Variants in PTPN4 observed in about 807,000 individuals in gnomAD.
The protein encoded by PTPN4 is tyrosine-protein phosphatase non-receptor type 4.
In PTPN4, 49 loss-of-function variants were observed where a neutral mutation model predicts 135.5. That is an observed-to-expected ratio of 0.36 (90% CI 0.29 to 0.46). The LOEUF is 0.46. Among genes scored for constraint, PTPN4 ranks in the 20% least tolerant of loss-of-function variants. The pLI is 1.00. For synonymous variants in PTPN4, 333 were observed against 369.9 expected, an observed-to-expected ratio of 0.90 and a Z score of 1.14; for missense variants, 860 against 1,101.0, an observed-to-expected ratio of 0.78 and a Z score of 3.10.
At chr2:119,946,302 T>A (rs1255785299) in intron 16 of PTPN4, 39 bp from the exon 17 acceptor site, 13 of 1,443,322 alleles carry the variant, frequency 9.0e-6, no homozygotes, top group Non-Finnish European at 1.2e-5. Context: ...AGATTTTAAG[T>A]GAAGAAAATT....
chr2:119,801,900 GTTTT>G (rs768983862), intron 1 of PTPN4, among the ~76,000 whole-genome samples: 1 of 98,794 alleles, frequency 1.0e-5, no homozygotes, highest in Non-Finnish European at 2.0e-5. Context: ...CTTTCTTTCC[GTTTT>G]TTTTTTTTTT....
At chr2:119,905,373 TA>T (rs1678472185) in intron 10 of PTPN4, among the ~76,000 whole-genome samples, 1 of 151,962 alleles carries the variant, frequency 6.6e-6, no homozygotes, top group South Asian at 2.1e-4. Flanking sequence ...TAAAAAACCA[TA>T]AAAAGAGACA....
chr2:119,797,263 G>T (rs1484141521), intron 1 of PTPN4, among the ~76,000 whole-genome samples: 2 of 152,022 alleles, frequency 1.3e-5, no homozygotes, highest in Non-Finnish European at 2.9e-5. Flanking sequence ...TTTTACCTTT[G>T]TCAAAGTTAC....
At chr2:119,859,204 A>C (rs1330540144) in intron 2 of PTPN4, among the ~76,000 whole-genome samples, 1 of 152,000 alleles carries the variant, frequency 6.6e-6, no homozygotes, top group Admixed American at 6.5e-5. Context: ...ACTGCTTCCA[A>C]ATCTTTGTCA....
intron 18 of PTPN4, among the ~76,000 whole-genome samples, chr2:119,946,918 A>G (rs1436938924): frequency 1.3e-5 from 2 of 152,144 alleles, no homozygotes; most frequent in African/African-American, 4.8e-5. Flanking sequence ...GAGTAATTTA[A>G]GTACATTATA....
At chr2:119,806,991 C>T (rs561174111) in intron 1 of PTPN4, among the ~76,000 whole-genome samples, 1 of 152,026 alleles carries the variant, frequency 6.6e-6, no homozygotes, top group Non-Finnish European at 1.5e-5. Context: ...GGGTAAATAA[C>T]AAAATTAAGG....
intron 12 of PTPN4, among the ~76,000 whole-genome samples, chr2:119,922,317 C>G (rs1324078720): frequency 6.6e-6 from 1 of 150,698 alleles, no homozygotes; most frequent in African/African-American, 2.4e-5. Context: ...CTAGTATTGA[C>G]AAATTTTACA....
intron 1 of PTPN4, among the ~76,000 whole-genome samples, chr2:119,790,798 A>T (rs928914771): frequency 6.6e-6 from 1 of 152,108 alleles, no homozygotes; most frequent in Non-Finnish European, 1.5e-5. Context: ...TGATATTTTT[A>T]AATTTGTCAT....
At chr2:119,808,434 CAG>C (rs1691521050) in intron 1 of PTPN4, among the ~76,000 whole-genome samples, 1 of 152,094 alleles carries the variant, frequency 6.6e-6, no homozygotes, top group Non-Finnish European at 1.5e-5. Flanking sequence ...ACACCAATAA[CAG>C]ACAGAGAGCC....
Position 119,956,193 on chromosome 2 carries a change from A to G in PTPN4, c.1981-651A>G, listed in dbSNP as rs561820123. Among the ~76,000 whole-genome samples the G allele has an allele frequency of 4.7e-4, 70 of 150,202 alleles. No homozygotes were observed. In the South Asian group the frequency reaches 0.014, roughly 29 times the overall value. ...CACCCAGTGGATTTTGAAATGTTTT[A>G]TTCAGACTATATCAACCTAATTTGT... On this transcript the variant is annotated intron_variant, in intron 20 of 26. Transcript: ENST00000263708.
At chr2:119,924,831 A>G (rs114059435) in intron 12 of PTPN4, among the ~76,000 whole-genome samples, 33 of 152,286 alleles carry the variant, frequency 2.2e-4, no homozygotes, top group African/African-American at 7.7e-4. Flanking sequence ...GAGTTCAGTC[A>G]GGGAAGCAGA....
At chr2:119,794,501 G>A (rs1169603614) in intron 1 of PTPN4, among the ~76,000 whole-genome samples, 1 of 152,164 alleles carries the variant, frequency 6.6e-6, no homozygotes, top group Non-Finnish European at 1.5e-5. Flanking sequence ...GTCGGCATGG[G>A]TGCTGGCTCT....
chr2:119,924,136 C>CAAAAA (rs35572826), intron 12 of PTPN4, among the ~76,000 whole-genome samples: 2 of 77,258 alleles, frequency 2.6e-5, no homozygotes, highest in Non-Finnish European at 2.7e-5. Flanking sequence ...GACTCCGTCT[C>CAAAAA]AAAAAAAAAA....
At chr2:119,837,852 T>C (rs1450566599) in intron 2 of PTPN4, among the ~76,000 whole-genome samples, 1 of 152,196 alleles carries the variant, frequency 6.6e-6, no homozygotes, top group Non-Finnish European at 1.5e-5. Flanking sequence ...TTACATCTGG[T>C]CCAGCCACAG....
chr2:119,927,819 A>G (rs1374146716), intron 13 of PTPN4, among the ~76,000 whole-genome samples: 1 of 152,166 alleles, frequency 6.6e-6, no homozygotes, highest in East Asian at 1.9e-4. Context: ...CTTTGTTTAA[A>G]TTTTGTTCTT....
chr2:119,951,745 T>G lies in PTPN4; in HGVS notation c.1657-228T>G, dbSNP rs72840420. On this transcript the variant is annotated intron_variant, in intron 18 of 26. Coordinates refer to ENST00000263708, the MANE Select transcript of PTPN4 (RefSeq NM_002830.4). ...AAATCATCAGTCTTATTTGTAGGTC[T>G]AGGCACATAATAGGTCATCAGGAAA... Among the ~76,000 whole-genome samples the G allele has an allele frequency of 3.5e-3, 528 of 152,306 alleles. 1 individual carries two copies. Among genetic ancestry groups the G allele is most frequent in the Non-Finnish European group, 5.5e-3 (375 of 68,022 alleles).
intron 1 of PTPN4, among the ~76,000 whole-genome samples, chr2:119,780,339 T>C (rs971987011): frequency 2.0e-5 from 3 of 152,226 alleles, no homozygotes; most frequent in Non-Finnish European, 4.4e-5. Context: ...TCAGGAAATT[T>C]AGCATTGACA....
At chr2:119,912,349 A>G (rs1678583990) in intron 10 of PTPN4, among the ~76,000 whole-genome samples, 1 of 152,226 alleles carries the variant, frequency 6.6e-6, no homozygotes, top group African/African-American at 2.4e-5. Context: ...TATGTTCACT[A>G]TCTTGACTGT....
At position 119,975,028 on chromosome 2, in the gene PTPN4, CT is replaced by C. The variant is rs113936059; in HGVS notation, c.2695-1949del. Among the ~76,000 whole-genome samples, 1,255 of 152,232 alleles carry C rather than the reference CT, an allele frequency of 8.2e-3. 16 individuals carry two copies. Among genetic ancestry groups the C allele is most frequent in the African/African-American group, 0.026 (1,061 of 41,536 alleles). ...AGTATGGCTAATGAAAAGAGTTTTC[CT>C]TTTTTTCACAGCTCTTTTTGCCCTT... On this transcript the variant is annotated intron_variant, in intron 26 of 26. Transcript: ENST00000263708.
Sources: allele counts gnomAD v4.1 joint callset (sites outside exome capture counted in the v4.1 genomes callset), GRCh38; gene constraint gnomAD v4.1.1; transcripts MANE v1.5; gene names NCBI Gene and HGNC (gene_info 2026-07-23, HGNC 2026-07-21).